STIM2: variants seen among roughly 807,000 people sequenced by gnomAD.
STIM2 encodes stromal interaction molecule 2.
A neutral mutation model predicts 85.8 loss-of-function variants in STIM2; 31 were observed. The observed-to-expected ratio is 0.36, with a 90% confidence interval of 0.27 to 0.49. The LOEUF (loss-of-function observed/expected upper bound fraction) is 0.49, where lower values mean the gene tolerates loss of function less well. Among genes scored for constraint, STIM2 ranks in the 20% least tolerant of loss-of-function variants. The pLI is 0.98. For synonymous variants in STIM2, 356 were observed against 331.1 expected, an observed-to-expected ratio of 1.08 and a Z score of -0.82; for missense variants, 841 against 927.6, an observed-to-expected ratio of 0.91 and a Z score of 1.21.
At chr4:26,896,689 G>A (rs1256466985) in intron 1 of STIM2, among the ~76,000 whole-genome samples, 2 of 152,126 alleles carry the variant, frequency 1.3e-5, no homozygotes, top group Non-Finnish European at 2.9e-5. Flanking sequence ...CAAAACCGGG[G>A]AAAACTGATA....
intron 11 of STIM2, 117 bp downstream of exon 11, chr4:27,018,101 CA>C: frequency 6.9e-7 from 1 of 1,446,132 alleles, no homozygotes; most frequent in Non-Finnish European, 9.4e-7. Flanking sequence ...ATCAAGGTAC[CA>C]CAGACTTTGC....
chr4:26,983,095 C>T (rs533798476), intron 3 of STIM2, among the ~76,000 whole-genome samples: 1 of 152,148 alleles, frequency 6.6e-6, no homozygotes, highest in East Asian at 1.9e-4. Context: ...CATGTGGGAC[C>T]AGATTACTTC....
chr4:26,943,560 A>G (rs1181931960), intron 2 of STIM2, among the ~76,000 whole-genome samples: 1 of 152,140 alleles, frequency 6.6e-6, no homozygotes, highest in Non-Finnish European at 1.5e-5. Context: ...CAGCTTGTAC[A>G]TTTCTGGCCC....
intron 2 of STIM2, among the ~76,000 whole-genome samples, chr4:26,925,777 C>A (rs1174234860): frequency 1.3e-5 from 1 of 76,314 alleles, no homozygotes; most frequent in Non-Finnish European, 2.2e-5. Context: ...ATCTAGAAAA[C>A]CCCATCGTCT....
chr4:27,021,879 T>A (rs1728925583), intron 11 of STIM2, among the ~76,000 whole-genome samples: 1 of 152,168 alleles, frequency 6.6e-6, no homozygotes, highest in Non-Finnish European at 1.5e-5. Flanking sequence ...ATTTTTCCAC[T>A]GTGGAGAAAA....
In STIM2 at chr4:26,967,633, G is replaced by A. The variant is rs114913373; in HGVS notation, c.397+9907G>A. Among the ~76,000 whole-genome samples the A allele has an allele frequency of 5.1e-3, 784 of 152,288 alleles. 9 individuals are homozygous for A. The highest frequency in any genetic ancestry group is 0.018 in the African/African-American group (760 of 41,574). Reference sequence around the variant, plus strand: ...ATTTTGTGTTTATATTGTGAATCCTGTGACTGATTTTGCTTCCTTCTTTGT... The same window carrying A: ...ATTTTGTGTTTATATTGTGAATCCTATGACTGATTTTGCTTCCTTCTTTGT... On this transcript the variant is annotated intron_variant, in intron 3 of 11. Coordinates refer to ENST00000467087, the MANE Select transcript of STIM2 (RefSeq NM_020860.4).
chr4:27,004,139 G>A (rs1032624936), intron 7 of STIM2, among the ~76,000 whole-genome samples: 8 of 152,204 alleles, frequency 5.3e-5, no homozygotes, highest in African/African-American at 1.9e-4. Context: ...GTCAACTCAT[G>A]AGAATACATT....
intron 3 of STIM2, among the ~76,000 whole-genome samples, chr4:26,994,559 T>C (rs1577485282): frequency 1.3e-5 from 2 of 152,120 alleles, no homozygotes; most frequent in East Asian, 3.8e-4. Context: ...TTTAGTCTTA[T>C]CATGAACAAT....
At chr4:26,920,944 T>C (rs1724771967) in intron 2 of STIM2, among the ~76,000 whole-genome samples, 1 of 152,202 alleles carries the variant, frequency 6.6e-6, no homozygotes, top group Non-Finnish European at 1.5e-5. Flanking sequence ...GGCCAAGATA[T>C]GGGTTGAAAT....
intron 2 of STIM2, among the ~76,000 whole-genome samples, chr4:26,936,085 A>G (rs903953836): frequency 3.3e-5 from 5 of 152,196 alleles, no homozygotes; most frequent in African/African-American, 7.2e-5. Flanking sequence ...TTTTTAAAGT[A>G]AGATGGTTCT....
At chr4:26,963,434 A>T (rs1726558791) in intron 3 of STIM2, among the ~76,000 whole-genome samples, 1 of 142,490 alleles carries the variant, frequency 7.0e-6, no homozygotes, top group Non-Finnish European at 1.5e-5. Context: ...TAGCATTATC[A>T]GAAGAGGAAC....
intron 1 of STIM2, among the ~76,000 whole-genome samples, chr4:26,882,808 T>C (rs1297733791): frequency 6.6e-6 from 1 of 151,332 alleles, no homozygotes; most frequent in Non-Finnish European, 1.5e-5. Context: ...CCAGGTGCTA[T>C]CTGTGTGTCT....
chr4:26,904,263 T>G (rs1039237117), intron 1 of STIM2, among the ~76,000 whole-genome samples: 1 of 152,072 alleles, frequency 6.6e-6, no homozygotes, highest in Non-Finnish European at 1.5e-5. Flanking sequence ...TTTTTAAACA[T>G]TTTTTCAGGT....
At chr4:27,003,762 G>A (rs1728239546) in intron 7 of STIM2, among the ~76,000 whole-genome samples, 1 of 152,112 alleles carries the variant, frequency 6.6e-6, no homozygotes, top group African/African-American at 2.4e-5. Flanking sequence ...AGTGAGTTGA[G>A]GCGAGCCTGC....
intron 3 of STIM2, among the ~76,000 whole-genome samples, chr4:26,987,373 C>G (rs1341714300): frequency 6.6e-6 from 1 of 152,166 alleles, no homozygotes; most frequent in Admixed American, 6.5e-5. Context: ...GAACCTCATT[C>G]TCTGTTGTAG....
chr4:26,998,945 T>A (rs1329590090), intron 4 of STIM2, among the ~76,000 whole-genome samples: 1 of 151,892 alleles, frequency 6.6e-6, no homozygotes, highest in Non-Finnish European at 1.5e-5. Flanking sequence ...CTTTATAAAT[T>A]TCTAAATCAT....
chr4:26,921,527 G>C (rs1724795674), intron 2 of STIM2, among the ~76,000 whole-genome samples: 1 of 152,214 alleles, frequency 6.6e-6, no homozygotes, highest in South Asian at 2.1e-4. Flanking sequence ...AACGGGCATG[G>C]CTGTTTTCCA....
chr4:26,964,826 T>C (rs1726649012), intron 3 of STIM2, among the ~76,000 whole-genome samples: 1 of 152,142 alleles, frequency 6.6e-6, no homozygotes, highest in Non-Finnish European at 1.5e-5. Flanking sequence ...TGAGATTATG[T>C]AGAAGGCACT....
intron 8 of STIM2, 95 bp from the exon 9 acceptor site, chr4:27,008,333 T>C (rs1728440056): frequency 1.5e-6 from 1 of 650,360 alleles, no homozygotes; most frequent in East Asian, 3.0e-5. Context: ...ATTGCTAATA[T>C]ATTCAAAACC....
Sources: gnomAD v4.1 joint callset for allele counts (sites outside exome capture counted in the v4.1 genomes callset) on GRCh38, gnomAD v4.1.1 for gene constraint, MANE v1.5 for transcripts, NCBI Gene and HGNC (gene_info 2026-07-23, HGNC 2026-07-21) for gene names.